TCF7L2: variants seen among roughly 807,000 people sequenced by gnomAD.
TCF7L2 encodes the protein transcription factor 7 like 2.
TCF7L2 carries 23 observed loss-of-function variants against 77.9 expected under a neutral mutation model. The ratio of observed to expected loss-of-function variants is 0.30; its 90% CI spans 0.21 to 0.42. TCF7L2 has a LOEUF of 0.42. Ranked by LOEUF, TCF7L2 falls within the 10% of genes least tolerant of loss-of-function variation. TCF7L2 has a pLI of 1.00. For missense variants in TCF7L2, 654 were observed against 793.1 expected, an observed-to-expected ratio of 0.82 and a Z score of 2.11; for synonymous variants, 413 against 340.2, an observed-to-expected ratio of 1.21 and a Z score of -2.36.
intron 5 of TCF7L2, among the ~76,000 whole-genome samples, chr10:113,058,921 A>G (rs997625384): frequency 6.6e-6 from 1 of 152,194 alleles, no homozygotes; most frequent in Non-Finnish European, 1.5e-5. Context: ...CCGCTCTGCA[A>G]ACAGGAAACG....
At chr10:113,071,237 C>T (rs1310538808) in intron 5 of TCF7L2, among the ~76,000 whole-genome samples, 1 of 152,104 alleles carries the variant, frequency 6.6e-6, no homozygotes, top group Non-Finnish European at 1.5e-5. Context: ...AGAAATGAGC[C>T]ATGTTCTATT....
At chr10:113,035,331 C>T (rs142154141) in intron 4 of TCF7L2, among the ~76,000 whole-genome samples, 3 of 152,252 alleles carry the variant, frequency 2.0e-5, no homozygotes, top group African/African-American at 7.2e-5. Context: ...CCATCTGACA[C>T]AGGCAGGCCT....
chr10:112,992,714 G>T (rs536346302), intron 4 of TCF7L2, among the ~76,000 whole-genome samples: 64 of 152,054 alleles, frequency 4.2e-4, no homozygotes, highest in Non-Finnish European at 8.4e-4. Flanking sequence ...GGACCTCCAA[G>T]CAGACCCCCT....
At chr10:113,035,078 T>C (rs138314328) in intron 4 of TCF7L2, among the ~76,000 whole-genome samples, 1,617 of 152,148 alleles carry the variant, frequency 0.011, 19 homozygotes, top group Middle Eastern at 0.017. Context: ...CAGTCAGAAT[T>C]GCTCAGGGAT....
intron 5 of TCF7L2, among the ~76,000 whole-genome samples, chr10:113,119,337 G>T (rs955261244): frequency 6.6e-6 from 1 of 152,250 alleles, no homozygotes; most frequent in East Asian, 1.9e-4. Flanking sequence ...TGCGGACCAC[G>T]CCAGGCCCTT....
chr10:113,040,270 A>G, intron 5 of TCF7L2, 144 bp downstream of exon 5: 1 of 696,722 alleles, frequency 1.4e-6, no homozygotes, highest in South Asian at 2.2e-5. Flanking sequence ...TATAGTTTAT[A>G]TCTATAAGGT....
intron 4 of TCF7L2, among the ~76,000 whole-genome samples, chr10:113,016,507 T>G (rs1192980045): frequency 6.6e-6 from 1 of 152,158 alleles, no homozygotes; most frequent in East Asian, 1.9e-4. Flanking sequence ...TTGATTCATG[T>G]AGGTCTCAAG....
chr10:112,953,647 G>A (rs1787985529), intron 3 of TCF7L2, among the ~76,000 whole-genome samples: 1 of 152,108 alleles, frequency 6.6e-6, no homozygotes, highest in Admixed American at 6.5e-5. Context: ...GTCTGATACT[G>A]GCAATCTTGC....
Position 113,152,416 on chromosome 10 carries a change from C to T in TCF7L2, c.1245C>T (p.Pro415=), listed in dbSNP as rs149820593. 56 of 1,614,104 alleles carry T rather than the reference C, an allele frequency of 3.5e-5. No homozygotes were observed. Among genetic ancestry groups the T allele is most frequent in the African/African-American group, 3.3e-4 (25 of 75,040 alleles). The stretch of plus-strand genomic sequence containing the variant: ...GACAGCTTCATATGCAACTGTACCC[C>T]GGCTGGTCCGCGCGGGATAACTATG... The change falls in exon 11 of 14, where the codon CCC becomes CCT. Residue 415 remains proline, a synonymous_variant. Transcript: ENST00000627217.
rs561042805 is a variant in TCF7L2 at position 113,148,744 on chromosome 10, A to C, written c.876-2254A>C. On this transcript the variant is annotated intron_variant, in intron 8 of 13. Coordinates refer to ENST00000627217, the MANE Select transcript of TCF7L2 (RefSeq NM_001146274.2). ...CATGAAATAGTAGTCTGCAGAAAGG[A>C]ATTTCTTAAGCGAAGGTATGTGTAT... is the stretch of plus-strand genomic sequence containing the variant. 3.3e-5 allele frequency among the ~76,000 whole-genome samples: 5 copies of C among 152,306 alleles called. No individual in the cohort carries two copies. In the East Asian group the frequency reaches 9.6e-4, roughly 29 times the overall value.
At chr10:112,997,691 C>T (rs1026225758) in intron 4 of TCF7L2, among the ~76,000 whole-genome samples, 2 of 152,196 alleles carry the variant, frequency 1.3e-5, no homozygotes, top group East Asian at 1.9e-4. Flanking sequence ...GTCTCATCAG[C>T]GATATTCGTC....
rs983190149 is a variant in TCF7L2, at chr10:113,089,323, G to A, written c.552+49197G>A. On this transcript the variant is annotated intron_variant, in intron 5 of 13. Coordinates refer to ENST00000627217, the MANE Select transcript of TCF7L2 (RefSeq NM_001146274.2). ...GTGGGTTAGGGCAGAAAGGAAGGCT[G>A]GGGGCTGTGTGTGCCTTGGTGACGT... 17 of 1,502,666 alleles carry A rather than the reference G, an allele frequency of 1.1e-5. No homozygotes were observed. The Admixed American group carries it at 1.8e-4, about 16-fold the overall frequency. 93.1% of individuals were successfully genotyped at this position (1,502,666 alleles called of 1,614,324 possible). A position where few individuals can be genotyped will look rare whatever the true frequency, so the allele number is the denominator to read the frequency against.
At chr10:112,974,955 T>G (rs1478333665) in intron 4 of TCF7L2, among the ~76,000 whole-genome samples, 1 of 149,672 alleles carries the variant, frequency 6.7e-6, no homozygotes, top group East Asian at 2.0e-4. Context: ...ATCAAACAGA[T>G]AAGTGGTTGC....
intron 13 of TCF7L2, among the ~76,000 whole-genome samples, chr10:113,164,079 A>G (rs139936635): frequency 6.6e-6 from 1 of 152,334 alleles, no homozygotes; most frequent in African/African-American, 2.4e-5. Context: ...GGTTCTGACA[A>G]TATTCTAGGG....
chr10:112,997,006 T>C (rs2043606195), intron 4 of TCF7L2, among the ~76,000 whole-genome samples: 2 of 152,202 alleles, frequency 1.3e-5, no homozygotes. Flanking sequence ...AGCTGAATTC[T>C]AAGTGGTTCC....
chr10:112,998,829 T>G (rs1294767985), intron 4 of TCF7L2, among the ~76,000 whole-genome samples: 1 of 152,240 alleles, frequency 6.6e-6, no homozygotes, highest in African/African-American at 2.4e-5. Context: ...AAAGTTCTAA[T>G]AATTTGTAAT....
rs192344990 is a variant in TCF7L2 at position 112,989,827 on chromosome 10, T to A, written c.450+25203T>A. On this transcript the variant is annotated intron_variant, in intron 4 of 13. Coordinates refer to ENST00000627217, the MANE Select transcript of TCF7L2 (RefSeq NM_001146274.2). ...ATGTTGTTGTGGTGTTTCAGGGGGT[T>A]CTGGCTCACCTAGTACTATGGAAGA... 2.0e-5 allele frequency among the ~76,000 whole-genome samples: 3 copies of A among 152,314 alleles called. No homozygotes were observed. In the East Asian group the frequency reaches 5.8e-4, roughly 29 times the overall value.
intron 5 of TCF7L2, among the ~76,000 whole-genome samples, chr10:113,131,626 C>G (rs1461178111): frequency 6.6e-6 from 1 of 152,146 alleles, no homozygotes; most frequent in East Asian, 1.9e-4. Flanking sequence ...ACGTAAATTC[C>G]CGACTCCAGT....
chr10:113,030,451 G>C (rs918682737), intron 4 of TCF7L2, among the ~76,000 whole-genome samples: 3 of 152,216 alleles, frequency 2.0e-5, no homozygotes, highest in African/African-American at 7.2e-5. Context: ...TCAGCATGCT[G>C]TAGAGACATG....
Sources: gnomAD v4.1 joint callset for allele counts (sites outside exome capture counted in the v4.1 genomes callset) on GRCh38, gnomAD v4.1.1 for gene constraint, MANE v1.5 for transcripts, NCBI Gene and HGNC (gene_info 2026-07-23, HGNC 2026-07-21) for gene names.